TDRD9: variants seen among roughly 807,000 people sequenced by gnomAD.
TDRD9 encodes tudor domain containing 9.
Under a neutral mutation model 172.6 loss-of-function variants are expected in TDRD9, and 124 were observed. That is an observed-to-expected ratio of 0.72 (90% CI 0.62 to 0.83). The LOEUF (loss-of-function observed/expected upper bound fraction) is 0.83, where lower values mean the gene tolerates loss of function less well. TDRD9 is among the 40% of genes least tolerant of loss of function. The pLI is 0.00. For synonymous variants in TDRD9, 619 were observed against 617.1 expected (o/e 1.00, Z -0.05); for missense variants, 1,479 against 1,714.1 (o/e 0.86, Z 2.42).
intron 5 of TDRD9, among the ~76,000 whole-genome samples, chr14:103,967,628 A>G (rs184200610): frequency 4.6e-5 from 7 of 152,322 alleles, no homozygotes; most frequent in Admixed American, 3.9e-4. Context: ...AATACAACAT[A>G]TACTCCAGGC....
intron 13 of TDRD9, among the ~76,000 whole-genome samples, chr14:104,001,513 T>C (rs1437062901): frequency 6.6e-6 from 1 of 152,216 alleles, no homozygotes; most frequent in Non-Finnish European, 1.5e-5. Flanking sequence ...GCTGTGAATA[T>C]TCATGTACAG....
chr14:103,973,405 C>T (rs531512992), intron 6 of TDRD9, among the ~76,000 whole-genome samples: 17 of 152,296 alleles, frequency 1.1e-4, no homozygotes, highest in African/African-American at 4.1e-4. Flanking sequence ...GTGGTTCCCC[C>T]GACCTGGCTT....
At chr14:103,985,424 C>A (rs554336357) in intron 7 of TDRD9, among the ~76,000 whole-genome samples, 1 of 152,266 alleles carries the variant, frequency 6.6e-6, no homozygotes, top group African/African-American at 2.4e-5. Context: ...CTCTGTCTTC[C>A]ACCATGATTG....
At chr14:103,951,568 A>C (rs769573178) in intron 1 of TDRD9, among the ~76,000 whole-genome samples, 1 of 152,172 alleles carries the variant, frequency 6.6e-6, no homozygotes, top group Non-Finnish European at 1.5e-5. Flanking sequence ...TGAAGTATAA[A>C]TTTTTGTATA....
chr14:104,020,290 C>A (rs539488507), intron 23 of TDRD9, among the ~76,000 whole-genome samples: 60 of 152,224 alleles, frequency 3.9e-4, no homozygotes, highest in Admixed American at 1.8e-3. Flanking sequence ...TGCAGTAGTC[C>A]AAAGCAGAGG....
chr14:104,016,118 G>A, intron 22 of TDRD9, 30 bp downstream of exon 22: 1 of 1,424,110 alleles, frequency 7.0e-7, no homozygotes, highest in South Asian at 1.2e-5. Flanking sequence ...CGTCCTCTCT[G>A]GGGTGTGGTG....
At position 103,980,974 on chromosome 14, in the gene TDRD9, G is replaced by C. The variant is rs2033451231; in HGVS notation, c.1012-5243G>C. 6.6e-6 allele frequency among the ~76,000 whole-genome samples: 1 copy of C among 151,838 alleles called. No individual in the cohort carries two copies. The highest frequency in any genetic ancestry group is 2.4e-5 in the African/African-American group (1 of 41,162). ...AGAATTATTATAATATTGGAATAAAGAGTAATTACTACAAACTAATGATTA... is the reference window on the plus strand; with the variant it reads ...AGAATTATTATAATATTGGAATAAACAGTAATTACTACAAACTAATGATTA... On this transcript the variant is annotated intron_variant, in intron 7 of 35. Transcript: ENST00000409874. This position sits in a 1 kb window ranked among gnomAD's most constrained non-coding sequence, Gnocchi z 4.5.
intron 32 of TDRD9, among the ~76,000 whole-genome samples, chr14:104,037,084 A>C (rs1388964484): frequency 6.6e-6 from 1 of 151,836 alleles, no homozygotes; most frequent in Non-Finnish European, 1.5e-5. Flanking sequence ...AGAAACTTTG[A>C]AAGATGACAG....
Position 104,014,756 on chromosome 14 carries a change from G to C in TDRD9, c.2138G>C (p.Arg713Thr). The C allele has an allele frequency of 1.2e-6, 2 of 1,611,138 alleles. No individual in the cohort carries two copies. Among genetic ancestry groups the C allele is most frequent in the East Asian group, 4.5e-5 (2 of 44,858 alleles). The change falls in exon 21 of 36, where the codon AGA (arginine) becomes ACA (threonine). Residue 713 changes from arginine to threonine, a missense_variant. Around this residue, in one of 3 missense-constraint regions of TDRD9, gnomAD observed 1,413 missense variants for 1,649.1 expected, o/e 0.86. Transcript: ENST00000409874. Reference sequence around the variant, plus strand: ...GAATTATATGAAGAATTGAAGACTAGAATCTCACAGTTCAACATGCATGTT... The same window carrying C: ...GAATTATATGAAGAATTGAAGACTACAATCTCACAGTTCAACATGCATGTT... ...VAELYEELKT[R>T]ISQFNMHVDS...
intron 17 of TDRD9, 35 bp downstream of exon 17, chr14:104,006,744 T>G: frequency 6.2e-7 from 1 of 1,613,580 alleles, no homozygotes; most frequent in Non-Finnish European, 8.5e-7. Context: ...TGTCACTGTA[T>G]TTTAATGGTA....
chr14:103,945,676 A>G (rs985248136), intron 1 of TDRD9, among the ~76,000 whole-genome samples: 4 of 152,212 alleles, frequency 2.6e-5, no homozygotes, highest in Admixed American at 2.6e-4. Context: ...TCATTGTCAT[A>G]GTTTTCTAGT....
At chr14:104,051,903 G>T (rs2035945156) in intron 35 of TDRD9, 78 bp from the exon 36 acceptor site, 1 of 832,390 alleles carries the variant, frequency 1.2e-6, no homozygotes, top group African/African-American at 1.7e-5. Context: ...GTGCATCCTG[G>T]ATGTTAATGC....
Position 104,042,097 on chromosome 14 carries a change from A to G in TDRD9, c.3884A>G (p.Lys1295Arg), listed in dbSNP as rs2035626469. The G allele has an allele frequency of 1.2e-6, 2 of 1,612,950 alleles. No homozygotes were observed. The highest frequency in any genetic ancestry group is 1.7e-6 in the Non-Finnish European group (2 of 1,179,036). ...AATATTCTCAGGGCTGCTATTAACAAGCTAGTCTGTGATGGACCAAATGGA... is the reference window on the plus strand; with the variant it reads ...AATATTCTCAGGGCTGCTATTAACAGGCTAGTCTGTGATGGACCAAATGGA... ...EVNILRAAIN[K>R]LVCDGPNGCK... The change falls in exon 34 of 36, where the codon AAG becomes AGG. Residue 1295 changes from lysine to arginine, a missense_variant. Lys to Arg is a conservative substitution (Grantham distance 26). Transcript: ENST00000409874.
intron 8 of TDRD9, among the ~76,000 whole-genome samples, chr14:103,986,720 T>G (rs866374763): frequency 5.3e-5 from 8 of 152,354 alleles, no homozygotes; most frequent in East Asian, 1.9e-4. Context: ...AGCAATCTCC[T>G]TCTGTAATCC....
intron 1 of TDRD9, chr14:103,941,799 G>A (rs1017432287): frequency 3.5e-5 from 30 of 865,990 alleles, no homozygotes; most frequent in African/African-American, 1.4e-4. Flanking sequence ...AAAAGTGCAC[G>A]ATTTTTTTTC....
chr14:104,044,795 A>T (rs1270311334), intron 34 of TDRD9, among the ~76,000 whole-genome samples: 1 of 152,106 alleles, frequency 6.6e-6, no homozygotes, highest in African/African-American at 2.4e-5. Flanking sequence ...TCTCGGGAAG[A>T]TATCTATGAG....
At position 104,014,789 on chromosome 14, in the gene TDRD9, G is replaced by A. The variant is rs1311366630; in HGVS notation, c.2171G>A (p.Arg724Gln). 3.1e-6 allele frequency: 5 copies of A among 1,612,114 alleles called. No homozygotes were observed. Among genetic ancestry groups the A allele is most frequent in the East Asian group, 2.2e-5 (1 of 44,868 alleles). ...CAGTTCAACATGCATGTTGATTCTC[G>A]GCGACCTGTCATGGACCAAGAGTAT... is the stretch of plus-strand genomic sequence containing the variant. ...ISQFNMHVDS[R>Q]RPVMDQEYIY... is the part of the protein sequence containing the mutation. Residue 724 changes from arginine to glutamine, a missense_variant, in exon 21 of 36, where the codon CGG becomes CAG. Around this residue, in one of 3 missense-constraint regions of TDRD9, gnomAD observed 1,413 missense variants for 1,649.1 expected, o/e 0.86. Coordinates refer to ENST00000409874, the MANE Select transcript of TDRD9 (RefSeq NM_153046.3).
intron 22 of TDRD9, among the ~76,000 whole-genome samples, chr14:104,017,532 G>C (rs2152234267): frequency 6.6e-6 from 1 of 152,352 alleles, no homozygotes; most frequent in African/African-American, 2.4e-5. Flanking sequence ...CATGCCTTCT[G>C]TCACGGAGCC....
At position 104,022,169 on chromosome 14, in the gene TDRD9, A is replaced by G. The variant is rs1409971404; in HGVS notation, c.2445A>G (p.Glu815=). Residue 815 remains glutamate (E), a synonymous_variant, in exon 24 of 36, where the codon GAA becomes GAG. Transcript: ENST00000409874. ...IVFDGAKAFV[E]FSRNPTERFK... ...ATTTGTGGAACAGAGCCTTTGTGGA[A>G]TTCTCACGAAATCCAACAGAGAGAT... is the stretch of plus-strand genomic sequence containing the variant. 6.4e-7 allele frequency: 1 copy of G among 1,554,776 alleles called. No individual in the cohort carries two copies. Among genetic ancestry groups the G allele is most frequent in the Non-Finnish European group, 8.7e-7 (1 of 1,148,828 alleles).
Sources: allele counts gnomAD v4.1 joint callset (sites outside exome capture counted in the v4.1 genomes callset), GRCh38; gene constraint gnomAD v4.1.1; regional missense constraint gnomAD v4.1.1; non-coding constraint Gnocchi (gnomAD v3.1); transcripts MANE v1.5; gene names NCBI Gene and HGNC (gene_info 2026-07-23, HGNC 2026-07-21).